Variants in ENTPD6 observed in about 807,000 individuals in gnomAD.
ENTPD6 encodes the protein ectonucleoside triphosphate diphosphohydrolase 6.
ENTPD6 carries 46 observed loss-of-function variants against 61.5 expected under a neutral mutation model. The ratio of observed to expected loss-of-function variants is 0.75; its 90% CI spans 0.59 to 0.96. The LOEUF (loss-of-function observed/expected upper bound fraction) is 0.96, where lower values mean the gene tolerates loss of function less well. ENTPD6 is among the 40% of genes least tolerant of loss of function. The pLI is 0.00. For missense variants in ENTPD6, 612 were observed against 629.0 expected, an observed-to-expected ratio of 0.97 and a Z score of 0.29; for synonymous variants, 252 against 255.5, an observed-to-expected ratio of 0.99 and a Z score of 0.13.
chr20:25,222,732 C>A (rs2092679268), intron 11 of ENTPD6, 106 bp from the exon 12 acceptor site: 1 of 1,470,400 alleles, frequency 6.8e-7, no homozygotes, highest in Admixed American at 2.0e-5. Flanking sequence ...CTGCCTTTTC[C>A]TGACAATTCA....
chr20:25,214,992 G>A, intron 6 of ENTPD6, 50 bp downstream of exon 6: 1 of 1,277,200 alleles, frequency 7.8e-7, no homozygotes, highest in Non-Finnish European at 1.1e-6. Context: ...AGTGAGGTGG[G>A]TGGGAGCAAT....
Position 25,208,167 on chromosome 20 carries a change from G to A in ENTPD6, c.376+770G>A, listed in dbSNP as rs537118481. Among the ~76,000 whole-genome samples, 6 of 152,328 alleles carry A rather than the reference G, an allele frequency of 3.9e-5. No individual in the cohort carries two copies. In the South Asian group the frequency reaches 8.3e-4, roughly 21 times the overall value. On this transcript the variant is annotated intron_variant, in intron 3 of 14. Transcript: ENST00000376652. ...GTAGACACCATCCTGGCATTGCACG[G>A]TTCTGCTGGTGCTGGACATTTCTAG...
intron 6 of ENTPD6, 118 bp downstream of exon 6, chr20:25,215,060 C>G (rs1005592552): frequency 3.0e-6 from 2 of 668,702 alleles, no homozygotes; most frequent in South Asian, 1.7e-5. Flanking sequence ...CCTCCTCCCC[C>G]GTCCGATGCT....
At chr20:25,206,355 G>A (rs1016770861) in intron 1 of ENTPD6, among the ~76,000 whole-genome samples, 167 bp from the exon 2 acceptor site, 1 of 152,218 alleles carries the variant, frequency 6.6e-6, no homozygotes, top group Admixed American at 6.5e-5. Context: ...GAAGCCTCAG[G>A]TTCCCACATG....
intron 13 of ENTPD6, chr20:25,224,646 G>A (rs1274708780): frequency 6.4e-6 from 1 of 157,264 alleles, no homozygotes; most frequent in Non-Finnish European, 1.4e-5. Flanking sequence ...TGGGTCCAAA[G>A]AGCTCAAATT....
At position 25,206,531 on chromosome 20, in the gene ENTPD6, A is replaced by C; in HGVS notation, c.-6A>C. 1.9e-6 allele frequency: 3 copies of C among 1,613,082 alleles called. No homozygotes were observed. Among genetic ancestry groups the C allele is most frequent in the Non-Finnish European group, 2.5e-6 (3 of 1,178,984 alleles). ...ATTTTCTCCTTGGCAGGAATGGGCTATGTGAATGAAAAAAGGTATCCGTTA... is the reference window on the plus strand; with the variant it reads ...ATTTTCTCCTTGGCAGGAATGGGCTCTGTGAATGAAAAAAGGTATCCGTTA... On this transcript the variant is annotated 5_prime_UTR_variant, in exon 2 of 15. The change abolishes an upstream ATG in the 5' untranslated region. Transcript: ENST00000376652.
At position 25,206,511 on chromosome 20, in the gene ENTPD6, C is replaced by T. The variant is rs780031986; in HGVS notation, c.-15-11C>T. The stretch of plus-strand genomic sequence containing the variant: ...TTTGGAAGTACACAGACATTATTTT[C>T]TCCTTGGCAGGAATGGGCTATGTGA... On this transcript the variant is annotated splice_polypyrimidine_tract_variant and intron_variant, in intron 1 of 14. Transcript: ENST00000376652. 1.2e-6 allele frequency: 2 copies of T among 1,604,360 alleles called. No homozygotes were observed. Among genetic ancestry groups the T allele is most frequent in the Non-Finnish European group, 1.7e-6 (2 of 1,171,056 alleles).
chr20:25,221,899 G>C (rs1229536772), intron 11 of ENTPD6: 3 of 181,848 alleles, frequency 1.6e-5, no homozygotes, highest in African/African-American at 2.4e-5. Flanking sequence ...GTACCGGGGG[G>C]CCGCATCAGG....
Position 25,222,949 on chromosome 20 carries a change from A to G in ENTPD6, c.1157A>G (p.Tyr386Cys). Residue 386 changes from tyrosine to cysteine, a missense_variant, in exon 12 of 15, where the codon TAC becomes TGC. By Grantham distance (194) the Tyr-to-Cys change is radical. Coordinates refer to ENST00000376652, the MANE Select transcript of ENTPD6 (RefSeq NM_001247.5). ...GACTTCTATGCTTTCTCCTACTATT[A>G]CGACCTTGCAGCTGGTGTGGGCCTC... is the stretch of plus-strand genomic sequence containing the variant. The part of the protein sequence containing the change: ...HVDFYAFSYY[Y>C]DLAAGVGLID... 2 of 1,523,306 alleles carry G rather than the reference A, an allele frequency of 1.3e-6. No homozygotes were observed. Among genetic ancestry groups the G allele is most frequent in the South Asian group, 2.2e-5 (2 of 89,862 alleles). The allele number at this position is 1,523,306 out of a possible 1,614,324, so 94.4% of individuals were successfully genotyped here. A position where few individuals can be genotyped will look rare whatever the true frequency, so the allele number is the denominator to read the frequency against.
At chr20:25,224,922 C>T (rs1398859503) in intron 13 of ENTPD6, 1 of 475,754 alleles carries the variant, frequency 2.1e-6, no homozygotes, top group Non-Finnish European at 3.7e-6. Context: ...GAGAGGTGTC[C>T]AGGGTCTTAG....
In ENTPD6 at chr20:25,213,184, C is replaced by A; in HGVS notation, c.454-79C>A. Reference sequence around the variant, plus strand: ...ACTCTGTCTCCAGAAACCAAAAAAACCCAAAAGGGTGGAAGCAGCACGTGT... The same window carrying A: ...ACTCTGTCTCCAGAAACCAAAAAAAACCAAAAGGGTGGAAGCAGCACGTGT... On this transcript the variant is annotated intron_variant, in intron 4 of 14. Coordinates refer to ENST00000376652, the MANE Select transcript of ENTPD6 (RefSeq NM_001247.5). The A allele has an allele frequency of 3.8e-6, 6 of 1,581,180 alleles. No individual in the cohort carries two copies. The South Asian group carries it at 4.4e-5, about 12-fold the overall frequency.
At position 25,208,574 on chromosome 20, in the gene ENTPD6, T is replaced by G. The variant is rs527941529; in HGVS notation, c.376+1177T>G. 2.0e-5 allele frequency among the ~76,000 whole-genome samples: 3 copies of G among 152,344 alleles called. No homozygotes were observed. The South Asian group carries it at 6.2e-4, about 32-fold the overall frequency. On this transcript the variant is annotated intron_variant, in intron 3 of 14. Transcript: ENST00000376652. ...GAGCCATGTCCCAGGGTTTTCTCTT[T>G]GGAGAGAAAAGACTTTGCAAAAAGT...
intron 13 of ENTPD6, 177 bp from the exon 14 acceptor site, chr20:25,225,028 C>A: frequency 1.0e-6 from 1 of 989,066 alleles, no homozygotes; most frequent in Non-Finnish European, 1.4e-6. Context: ...CCGGGGTTGC[C>A]GCCCACCTGC....
chr20:25,224,357 C>T, intron 13 of ENTPD6, 200 bp downstream of exon 13: 2 of 459,280 alleles, frequency 4.4e-6, no homozygotes, highest in Non-Finnish European at 3.9e-6. Context: ...CTCGATTCCA[C>T]TTCCTCAGAT....
chr20:25,197,332 C>G, intron 1 of ENTPD6: 11 of 814,026 alleles, frequency 1.4e-5, no homozygotes, highest in Non-Finnish European at 1.6e-5. Context: ...CCTGCCTCCA[C>G]CTGCTGGAGG....
At chr20:25,195,969 G>T in intron 1 of ENTPD6, 102 bp downstream of exon 1, 1 of 1,017,616 alleles carries the variant, frequency 9.8e-7, no homozygotes, top group Non-Finnish European at 1.3e-6. Context: ...ACGGCCTCGG[G>T]GTCACTCGCA....
chr20:25,211,907 C>G lies in ENTPD6; in HGVS notation c.454-1356C>G, dbSNP rs1248746846. ...CACTGCAACCTCTGCCTCCCAGGCT[C>G]AAATGATCCTGCCACCTCAGCCTCC... On this transcript the variant is annotated intron_variant, in intron 4 of 14. Transcript: ENST00000376652. Among the ~76,000 whole-genome samples the G allele has an allele frequency of 2.0e-5, 3 of 152,172 alleles. No individual in the cohort carries two copies. The East Asian group carries it at 5.8e-4, about 29-fold the overall frequency.
chr20:25,221,196 C>T lies in ENTPD6; in HGVS notation c.944-36C>T, dbSNP rs746317614. 21 of 1,548,156 alleles carry T rather than the reference C, an allele frequency of 1.4e-5. No individual in the cohort carries two copies. In the Admixed American group the frequency reaches 1.7e-4, roughly 12 times the overall value. Reference sequence around the variant, plus strand: ...AGCCCTAGTCCATGGCGGTGATATACCTTCCTTTCTCTTTCCTTTTTAATC... The same window carrying T: ...AGCCCTAGTCCATGGCGGTGATATATCTTCCTTTCTCTTTCCTTTTTAATC... On this transcript the variant is annotated intron_variant, in intron 10 of 14. Coordinates refer to ENST00000376652, the MANE Select transcript of ENTPD6 (RefSeq NM_001247.5).
At chr20:25,221,210 T>A (rs1237949025) in intron 10 of ENTPD6, 22 bp from the exon 11 acceptor site, 1 of 1,593,426 alleles carries the variant, frequency 6.3e-7, no homozygotes, top group African/African-American at 1.3e-5. Flanking sequence ...CCTTTCTCTT[T>A]CCTTTTTAAT....
Sources: allele counts gnomAD v4.1 joint callset (sites outside exome capture counted in the v4.1 genomes callset), GRCh38; gene constraint gnomAD v4.1.1; transcripts MANE v1.5; gene names NCBI Gene and HGNC (gene_info 2026-07-23, HGNC 2026-07-21).